The following ALKBH1 variants were observed in gnomAD, a reference collection of about 807,000 sequenced individuals.
ALKBH1 encodes nucleic acid dioxygenase ALKBH1.
In ALKBH1, 31 loss-of-function variants were observed where a neutral mutation model predicts 36.6. The observed-to-expected ratio is 0.85, with a 90% CI of 0.64 to 1.14. The LOEUF is 1.14. Ranked by LOEUF, ALKBH1 falls within the 50% of genes most tolerant of loss-of-function variation. ALKBH1 has a pLI of 0.00. For missense variants in ALKBH1, 490 were observed against 497.3 expected (o/e 0.99, Z 0.14); for synonymous variants, 183 against 186.6 (o/e 0.98, Z 0.16).
chr14:77,684,576 G>A (rs2080257360), intron 3 of ALKBH1, among the ~76,000 whole-genome samples: 1 of 152,070 alleles, frequency 6.6e-6, no homozygotes, highest in Non-Finnish European at 1.5e-5. Context: ...GGCCAGGCTG[G>A]TTTCGAATTC....
At chr14:77,690,294 G>C (rs984286896) in intron 3 of ALKBH1, among the ~76,000 whole-genome samples, 2 of 152,210 alleles carry the variant, frequency 1.3e-5, no homozygotes, top group Non-Finnish European at 2.9e-5. Flanking sequence ...GAGTAGAGAG[G>C]TAGCTGTGGG....
chr14:77,691,899 T>G (rs892249549), intron 3 of ALKBH1: 1 of 152,178 alleles, frequency 6.6e-6, no homozygotes, highest in African/African-American at 2.4e-5. Context: ...ACGATCTTCC[T>G]TTCCCCTGCT....
intron 3 of ALKBH1, among the ~76,000 whole-genome samples, chr14:77,687,154 G>A (rs2080272357): frequency 6.6e-6 from 1 of 152,158 alleles, no homozygotes; most frequent in Non-Finnish European, 1.5e-5. Context: ...GAAAACAGAA[G>A]CCTGCTCAAA....
chr14:77,683,152 T>A, intron 3 of ALKBH1: 1 of 71,248 alleles, frequency 1.4e-5, no homozygotes. Flanking sequence ...GTAAAGTCTT[T>A]TTTTTTTTTT....
chr14:77,698,863 C>T (rs2080343428), intron 2 of ALKBH1, among the ~76,000 whole-genome samples: 1 of 152,238 alleles, frequency 6.6e-6, no homozygotes, highest in African/African-American at 2.4e-5. Flanking sequence ...ATTCTTCTGC[C>T]TCAGCCTCCT....
intron 3 of ALKBH1, among the ~76,000 whole-genome samples, chr14:77,686,648 A>C (rs2080269951): frequency 6.6e-6 from 1 of 152,148 alleles, no homozygotes; most frequent in African/African-American, 2.4e-5. Flanking sequence ...TTTTTGAGAC[A>C]GAGTCTCGTT....
At chr14:77,689,790 T>C (rs946677198) in intron 3 of ALKBH1, among the ~76,000 whole-genome samples, 2 of 152,132 alleles carry the variant, frequency 1.3e-5, no homozygotes, top group Non-Finnish European at 2.9e-5. Context: ...TTTCATAAGC[T>C]AATTTACAGA....
At chr14:77,684,064 G>A (rs939975247) in intron 3 of ALKBH1, 1 of 152,292 alleles carries the variant, frequency 6.6e-6, no homozygotes, top group African/African-American at 2.4e-5. Context: ...AGCCTTTACA[G>A]AACCTGTCTT....
Position 77,675,715 on chromosome 14 carries a change from T to G in ALKBH1, c.681A>C (p.Thr227=). The G allele has an allele frequency of 6.2e-7, 1 of 1,614,124 alleles. No individual in the cohort carries two copies. The highest frequency in any genetic ancestry group is 1.1e-5 in the South Asian group (1 of 91,088). ...CAGATCTGTCTACGTGGATTCCCAG[T>G]GTGGAGTCCAGGCGGTAGTAATTCA... ...GILNYYRLDS[T]LGIHVDRSEL... Residue 227 remains threonine (T), a synonymous_variant, in exon 5 of 6, where the codon ACA becomes ACC. Transcript: ENST00000216489.
chr14:77,703,325 G>T (rs191087728), intron 2 of ALKBH1, among the ~76,000 whole-genome samples: 3,021 of 145,800 alleles, frequency 0.021, 42 homozygotes, highest in South Asian at 0.05. Context: ...ATGGAGTCTT[G>T]CTCTATTGCC....
Position 77,699,000 on chromosome 14 carries a change from T to C in ALKBH1, c.293-4100A>G, listed in dbSNP as rs559572594. On this transcript the variant is annotated intron_variant, in intron 2 of 5. Transcript: ENST00000216489. ...GTTGGCCAGGCTGGTCTTGAACTCC[T>C]GGCCTCAACTGATCTGCCCGCCTCG... Among the ~76,000 whole-genome samples, 3 of 152,356 alleles carry C rather than the reference T, an allele frequency of 2.0e-5. No homozygotes were observed. In the South Asian group the frequency reaches 6.2e-4, roughly 32 times the overall value.
At chr14:77,692,826 T>TA (rs1307812588) in intron 3 of ALKBH1, among the ~76,000 whole-genome samples, 1 of 141,164 alleles carries the variant, frequency 7.1e-6, no homozygotes, top group Non-Finnish European at 1.6e-5. Context: ...TTATTTAATT[T>TA]ATTTATTTTT....
rs559374740 is a variant in ALKBH1 at position 77,680,895 on chromosome 14, C to T, written c.456-925G>A. ...AGTTTCTCCATATTGAGGCTGGTCT[C>T]GAACTCCTGACCTCAGGTGATCCGC... On this transcript the variant is annotated intron_variant, in intron 3 of 5. Transcript: ENST00000216489. Among the ~76,000 whole-genome samples the T allele has an allele frequency of 2.8e-4, 42 of 152,066 alleles. 1 individual carries two copies. In the South Asian group the frequency reaches 7.5e-3, roughly 27 times the overall value.
intron 3 of ALKBH1, among the ~76,000 whole-genome samples, chr14:77,687,822 A>G (rs2080276434): frequency 6.6e-6 from 1 of 152,134 alleles, no homozygotes; most frequent in South Asian, 2.1e-4. Flanking sequence ...TCTTTTCTAT[A>G]GATGAGAAAG....
At chr14:77,696,682 A>T (rs1376829341) in intron 2 of ALKBH1, 2 of 152,364 alleles carry the variant, frequency 1.3e-5, no homozygotes, top group African/African-American at 4.8e-5. Flanking sequence ...CTTTACCCTC[A>T]TGAGAGCTCT....
rs573415643 is a variant in ALKBH1 at position 77,701,768 on chromosome 14, T to A, written c.292+2601A>T. On this transcript the variant is annotated intron_variant, in intron 2 of 5. Coordinates refer to ENST00000216489, the MANE Select transcript of ALKBH1 (RefSeq NM_006020.3). ...CTTATAGGGGAAAGTAAGTAAAAAA[T>A]AAATAAATAAAATAAACACAGCTTA... is the stretch of plus-strand genomic sequence containing the variant. Among the ~76,000 whole-genome samples, 10 of 150,300 alleles carry A rather than the reference T, an allele frequency of 6.7e-5. 1 individual carries two copies. The East Asian group carries it at 1.9e-3, about 29-fold the overall frequency.
intron 3 of ALKBH1, among the ~76,000 whole-genome samples, chr14:77,681,164 T>C (rs919095765): frequency 6.6e-6 from 1 of 152,096 alleles, no homozygotes; most frequent in Non-Finnish European, 1.5e-5. Context: ...AGGAATCTGA[T>C]TGTGACAGGA....
At chr14:77,696,014 C>A (rs1041166435) in intron 2 of ALKBH1, among the ~76,000 whole-genome samples, 6 of 152,012 alleles carry the variant, frequency 3.9e-5, no homozygotes, top group Non-Finnish European at 7.4e-5. Context: ...ATCACTTGAA[C>A]CCAGGAGGTG....
intron 3 of ALKBH1, among the ~76,000 whole-genome samples, chr14:77,682,948 C>G (rs982959246): frequency 3.3e-5 from 5 of 152,262 alleles, no homozygotes; most frequent in African/African-American, 4.8e-5. Context: ...CCACCCGCCT[C>G]GGCCTCCCAA....
Sources: allele counts gnomAD v4.1 joint callset (sites outside exome capture counted in the v4.1 genomes callset), GRCh38; gene constraint gnomAD v4.1.1; transcripts MANE v1.5; gene names NCBI Gene and HGNC (gene_info 2026-07-23, HGNC 2026-07-21).